The following SLC24A2 variants were observed in gnomAD, a reference collection of about 807,000 sequenced individuals.
SLC24A2 encodes solute carrier family 24 member 2.
A neutral mutation model predicts 62.0 loss-of-function variants in SLC24A2; 36 were observed. The observed-to-expected ratio is 0.58, with a 90% CI of 0.44 to 0.77. The LOEUF (loss-of-function observed/expected upper bound fraction) is 0.77. Among genes scored for constraint, SLC24A2 ranks in the 30% least tolerant of loss-of-function variants. The probability of loss-of-function intolerance (pLI) is 0.00; values close to 1 mark genes in which losing one functional copy is unlikely to be tolerated. For missense variants in SLC24A2, 846 were observed against 817.9 expected, an observed-to-expected ratio of 1.03 and a Z score of -0.42; for synonymous variants, 358 against 294.0, an observed-to-expected ratio of 1.22 and a Z score of -2.23.
chr9:19,707,230 C>A (rs1474623141), intron 2 of SLC24A2, among the ~76,000 whole-genome samples: 1 of 152,098 alleles, frequency 6.6e-6, no homozygotes, highest in Admixed American at 6.5e-5. Context: ...TCTGAATAGA[C>A]CAATAACAGG....
chr9:19,768,899 A>G (rs143983951), intron 2 of SLC24A2, among the ~76,000 whole-genome samples: 149 of 152,122 alleles, frequency 9.8e-4, no homozygotes, highest in African/African-American at 3.1e-3. Flanking sequence ...TCATGCTTCA[A>G]TGCTATGAAT....
At chr9:19,526,215 G>A (rs1278748284) in intron 9 of SLC24A2, among the ~76,000 whole-genome samples, 5 of 152,032 alleles carry the variant, frequency 3.3e-5, no homozygotes, top group Non-Finnish European at 7.4e-5. Flanking sequence ...ATATTCCATT[G>A]TATGGATATA....
At chr9:20,101,349 T>G in the SLC24A2 span, among the ~76,000 whole-genome samples, 1 of 152,236 alleles carries the variant, frequency 6.6e-6, no homozygotes, top group East Asian at 1.9e-4. Flanking sequence ...GTTCAGTACC[T>G]TGCTGTAGTG....
intron 2 of SLC24A2, among the ~76,000 whole-genome samples, chr9:19,650,238 C>A (rs1818760067): frequency 6.6e-6 from 1 of 152,152 alleles, no homozygotes; most frequent in Non-Finnish European, 1.5e-5. Context: ...AGATGTAATA[C>A]TTCCAGAAGA....
chr9:20,169,279 G>C, the SLC24A2 span, among the ~76,000 whole-genome samples: 1 of 152,084 alleles, frequency 6.6e-6, no homozygotes, highest in South Asian at 2.1e-4. Flanking sequence ...GATCATGACA[G>C]ACAGGAAAAA....
chr9:19,516,519 GTGTCTTGTTAGGTTCACTA>G, intron 10 of SLC24A2, 117 bp from the exon 11 acceptor site: 1 of 1,290,488 alleles, frequency 7.7e-7, no homozygotes, highest in Non-Finnish European at 1.1e-6. Context: ...ACTGAAAAGG[GTGTCTTGTTAGGTTCACTA>G]TGACTCGGGC....
the SLC24A2 span, among the ~76,000 whole-genome samples, chr9:20,020,374 T>C: frequency 5.2e-3 from 798 of 152,228 alleles, 16 homozygotes; most frequent in Admixed American, 0.039. Flanking sequence ...ATCTACACCA[T>C]GGAATATTAT....
the SLC24A2 span, among the ~76,000 whole-genome samples, chr9:20,056,711 T>C: frequency 6.6e-6 from 1 of 152,152 alleles, no homozygotes; most frequent in Non-Finnish European, 1.5e-5. Context: ...TCTCTGCCAC[T>C]TCAACCCCCT....
At chr9:19,727,015 G>C (rs1414572722) in intron 2 of SLC24A2, among the ~76,000 whole-genome samples, 3 of 152,134 alleles carry the variant, frequency 2.0e-5, no homozygotes, top group Non-Finnish European at 4.4e-5. Flanking sequence ...TTTATTGCTT[G>C]TTCCCATTTC....
At chr9:20,026,066 T>C in the SLC24A2 span, among the ~76,000 whole-genome samples, 14 of 152,178 alleles carry the variant, frequency 9.2e-5, no homozygotes, top group East Asian at 2.1e-3. Context: ...CTAGGTGGCA[T>C]TGGTCAAATT....
At chr9:20,039,512 T>C in the SLC24A2 span, among the ~76,000 whole-genome samples, 1 of 152,004 alleles carries the variant, frequency 6.6e-6, no homozygotes, top group South Asian at 2.1e-4. Context: ...GACCCAACTA[T>C]ATTGGGAAGA....
At chr9:19,527,344 T>C (rs1406918815) in intron 9 of SLC24A2, among the ~76,000 whole-genome samples, 4 of 152,212 alleles carry the variant, frequency 2.6e-5, no homozygotes, top group Non-Finnish European at 2.9e-5. Context: ...CTTCTTTATC[T>C]GTAAACTGTG....
intron 2 of SLC24A2, among the ~76,000 whole-genome samples, chr9:19,686,221 A>G (rs1819876820): frequency 6.6e-6 from 1 of 152,188 alleles, no homozygotes; most frequent in South Asian, 2.1e-4. Context: ...ATACCATCTC[A>G]AGCCAGTCAT....
At chr9:19,938,201 CA>C in the SLC24A2 span, among the ~76,000 whole-genome samples, 1 of 152,194 alleles carries the variant, frequency 6.6e-6, no homozygotes, top group South Asian at 2.1e-4. Flanking sequence ...TATAACCCAT[CA>C]TTTTGGTGTA....
the SLC24A2 span, among the ~76,000 whole-genome samples, chr9:19,943,221 T>C: frequency 1.3e-5 from 2 of 152,124 alleles, no homozygotes; most frequent in East Asian, 1.9e-4. Context: ...TAATATTCCA[T>C]TGGGGGAATA....
At chr9:19,920,726 T>C in the SLC24A2 span, among the ~76,000 whole-genome samples, 1 of 152,182 alleles carries the variant, frequency 6.6e-6, no homozygotes, top group African/African-American at 2.4e-5. Context: ...GACACATATC[T>C]ACAACTAGAG....
chr9:20,269,487 G>T, the SLC24A2 span, among the ~76,000 whole-genome samples: 1 of 152,132 alleles, frequency 6.6e-6, no homozygotes, highest in Non-Finnish European at 1.5e-5. Flanking sequence ...AAAGGCAGGT[G>T]GGGTACAGTA....
chr9:19,703,395 G>A (rs542500830), intron 2 of SLC24A2, among the ~76,000 whole-genome samples: 1 of 152,256 alleles, frequency 6.6e-6, no homozygotes, highest in Non-Finnish European at 1.5e-5. Flanking sequence ...AGTGAGAGGG[G>A]TTGCAGAGGG....
chr9:19,813,423 A>G, the SLC24A2 span, among the ~76,000 whole-genome samples: 5 of 148,746 alleles, frequency 3.4e-5, no homozygotes, highest in African/African-American at 1.3e-4. Context: ...CCTGGGTTCA[A>G]GTGATTCTTG....
Sources: gnomAD v4.1 joint callset for allele counts (sites outside exome capture counted in the v4.1 genomes callset) on GRCh38, gnomAD v4.1.1 for gene constraint, MANE v1.5 for transcripts, NCBI Gene and HGNC (gene_info 2026-07-23, HGNC 2026-07-21) for gene names.